The following MYO1D variants were observed in gnomAD, a reference collection of about 807,000 sequenced individuals.
MYO1D encodes myosin ID.
In MYO1D, 83 loss-of-function variants were observed where a neutral mutation model predicts 122.0. The ratio of observed to expected loss-of-function variants is 0.68; its 90% CI spans 0.57 to 0.82. The LOEUF (loss-of-function observed/expected upper bound fraction) is 0.82, where lower values mean the gene tolerates loss of function less well. MYO1D is among the 40% of genes least tolerant of loss of function. The pLI is 0.00. For synonymous variants in MYO1D, 464 were observed against 446.9 expected (o/e 1.04, Z -0.48); for missense variants, 1,157 against 1,269.5 (o/e 0.91, Z 1.35).
At chr17:32,651,581 A>T (rs2088389252) in intron 19 of MYO1D, among the ~76,000 whole-genome samples, 1 of 151,926 alleles carries the variant, frequency 6.6e-6, no homozygotes, top group Non-Finnish European at 1.5e-5. Context: ...TATTTCAGGG[A>T]ACATTGTCTT....
At chr17:32,870,622 A>T in intron 1 of MYO1D, among the ~76,000 whole-genome samples, 1 of 152,186 alleles carries the variant, frequency 6.6e-6, no homozygotes, top group East Asian at 1.9e-4. Context: ...AGAAAGAAAA[A>T]AAAGAAATAA....
chr17:32,869,802 G>A (rs1035517720), intron 1 of MYO1D, among the ~76,000 whole-genome samples: 2 of 152,074 alleles, frequency 1.3e-5, no homozygotes, highest in African/African-American at 4.8e-5. Context: ...GCTTGGTGGT[G>A]TGCGCCTGTA....
Position 32,495,931 on chromosome 17 carries a change from T to TC in MYO1D, c.2865-1017dup, listed in dbSNP as rs1909086723. ...GGCGTCTGGGGCGTGGGCAGGTTGG[T>TC]CCCGCTTTGAACGCTCTGCTGGACT... On this transcript the variant is annotated intron_variant, in intron 21 of 21. Transcript: ENST00000318217. 3 of 152,518 alleles carry TC rather than the reference T, an allele frequency of 2.0e-5. No homozygotes were observed. The South Asian group carries it at 6.2e-4, about 32-fold the overall frequency. The allele number at this position is 152,518 out of a possible 1,614,324, so 9.4% of individuals were successfully genotyped here.
chr17:32,598,452 T>C (rs979576890), intron 21 of MYO1D, among the ~76,000 whole-genome samples: 16 of 152,194 alleles, frequency 1.1e-4, no homozygotes, highest in Non-Finnish European at 1.6e-4. Context: ...TCCCACCCCA[T>C]GGTGGAATTT....
rs557656821 is a variant in MYO1D at position 32,511,226 on chromosome 17, G to GT, written c.2865-16312dup. 2.3e-3 allele frequency among the ~76,000 whole-genome samples: 333 copies of GT among 145,774 alleles called. 1 individual carries two copies. The highest frequency in any genetic ancestry group is 4.5e-3 in the African/African-American group (182 of 40,142). ...TCCTTAAACTTCTCTCGCTCACTCT[G>GT]TTTTTTTTTTTGGAAACAGGGTCTT... On this transcript the variant is annotated intron_variant, in intron 21 of 21. Coordinates refer to ENST00000318217, the MANE Select transcript of MYO1D (RefSeq NM_015194.3).
chr17:32,722,173 G>A (rs1598040045), intron 14 of MYO1D, among the ~76,000 whole-genome samples: 2 of 152,154 alleles, frequency 1.3e-5, no homozygotes, highest in African/African-American at 2.4e-5. Context: ...AAGAAACTCC[G>A]ATAGTACATT....
chr17:32,844,287 C>A (rs1201161337), intron 1 of MYO1D, among the ~76,000 whole-genome samples: 2 of 143,766 alleles, frequency 1.4e-5, no homozygotes, highest in African/African-American at 5.1e-5. Flanking sequence ...ATATATATAT[C>A]ATATGTATAT....
chr17:32,523,977 A>G (rs1041669113), intron 21 of MYO1D, among the ~76,000 whole-genome samples: 2 of 152,208 alleles, frequency 1.3e-5, no homozygotes, highest in African/African-American at 4.8e-5. Flanking sequence ...GAAGATCAAA[A>G]GATAATGATC....
chr17:32,876,770 G>A lies in MYO1D; in HGVS notation c.95+8C>T, dbSNP rs374047607. On this transcript the variant is annotated splice_region_variant and intron_variant, in intron 1 of 21. Coordinates refer to ENST00000318217, the MANE Select transcript of MYO1D (RefSeq NM_015194.3). ...TCGCGCCCCTGCGCGCGGCCGCTCCGCCCTCACCTGAGCCTGAGGTTGGCC... is the reference window on the plus strand; with the variant it reads ...TCGCGCCCCTGCGCGCGGCCGCTCCACCCTCACCTGAGCCTGAGGTTGGCC... The A allele has an allele frequency of 1.9e-5, 28 of 1,503,170 alleles. No homozygotes were observed. Among genetic ancestry groups the A allele is most frequent in the Admixed American group, 8.9e-5 (4 of 45,036 alleles). The allele number at this position is 1,503,170 out of a possible 1,614,324, so 93.1% of individuals were successfully genotyped here.
intron 20 of MYO1D, 36 bp from the exon 21 acceptor site, chr17:32,605,277 C>T: frequency 4.6e-6 from 7 of 1,516,430 alleles, no homozygotes; most frequent in Non-Finnish European, 6.3e-6. Context: ...CTATTTGGAT[C>T]ATTCTCAAAA....
At chr17:32,664,704 G>A (rs775921094) in intron 16 of MYO1D, among the ~76,000 whole-genome samples, 7 of 152,128 alleles carry the variant, frequency 4.6e-5, no homozygotes, top group East Asian at 3.9e-4. Context: ...AGAGGACAGC[G>A]GCAAACAGAG....
At chr17:32,555,738 C>G (rs947879037) in intron 21 of MYO1D, among the ~76,000 whole-genome samples, 1 of 152,204 alleles carries the variant, frequency 6.6e-6, no homozygotes, top group Non-Finnish European at 1.5e-5. Flanking sequence ...AATAGCCACA[C>G]CCCTCCTCAC....
chr17:32,774,142 C>G (rs995425124), intron 4 of MYO1D, among the ~76,000 whole-genome samples: 2 of 152,198 alleles, frequency 1.3e-5, no homozygotes, highest in African/African-American at 4.8e-5. Context: ...AGCCTTCCCC[C>G]ACCTGCCCAA....
chr17:32,809,916 T>C (rs2090554655), intron 1 of MYO1D, among the ~76,000 whole-genome samples: 1 of 152,234 alleles, frequency 6.6e-6, no homozygotes, highest in Admixed American at 6.5e-5. Context: ...CAATGATCAA[T>C]GATCTGCTTC....
intron 21 of MYO1D, among the ~76,000 whole-genome samples, chr17:32,591,272 T>C (rs2087436154): frequency 6.6e-6 from 1 of 152,226 alleles, no homozygotes; most frequent in Non-Finnish European, 1.5e-5. Context: ...CCTTTTAAGA[T>C]TTCTCTCTGT....
At chr17:32,836,045 C>G (rs1020884079) in intron 1 of MYO1D, among the ~76,000 whole-genome samples, 4 of 152,112 alleles carry the variant, frequency 2.6e-5, no homozygotes, top group Non-Finnish European at 4.4e-5. Context: ...ATCTCATTAA[C>G]CAAAGACATC....
At chr17:32,624,516 A>T (rs1175616034) in intron 20 of MYO1D, among the ~76,000 whole-genome samples, 1 of 152,154 alleles carries the variant, frequency 6.6e-6, no homozygotes, top group East Asian at 1.9e-4. Flanking sequence ...CTAACATACT[A>T]ACATTTTTTA....
At chr17:32,616,682 G>A (rs1175844351) in intron 20 of MYO1D, among the ~76,000 whole-genome samples, 2 of 152,092 alleles carry the variant, frequency 1.3e-5, no homozygotes, top group East Asian at 3.9e-4. Flanking sequence ...GAAAGTGGAG[G>A]ATTTAAAACA....
At chr17:32,581,536 C>CCT (rs539933871) in intron 21 of MYO1D, among the ~76,000 whole-genome samples, 15 of 147,786 alleles carry the variant, frequency 1.0e-4, no homozygotes, top group Middle Eastern at 3.4e-3. Flanking sequence ...TCTCTTCCTT[C>CCT]CTCTCTCTCT....
Sources: gnomAD v4.1 joint callset for allele counts (sites outside exome capture counted in the v4.1 genomes callset) on GRCh38, gnomAD v4.1.1 for gene constraint, MANE v1.5 for transcripts, NCBI Gene and HGNC (gene_info 2026-07-23, HGNC 2026-07-21) for gene names.